PCDHA1: variants seen among roughly 807,000 people sequenced by gnomAD.
PCDHA1 encodes protocadherin alpha-1.
In PCDHA1, 42 loss-of-function variants were observed where a neutral mutation model predicts 61.3. The ratio of observed to expected loss-of-function variants is 0.69; its 90% confidence interval spans 0.54 to 0.89. PCDHA1 has a LOEUF of 0.89. PCDHA1 is among the 40% of genes least tolerant of loss of function. The pLI, the probability that PCDHA1 is intolerant of heterozygous loss-of-function variation, is 0.00. For synonymous variants in PCDHA1, 610 were observed against 553.8 expected (o/e 1.10, Z -1.43); for missense variants, 1,256 against 1,235.3 (o/e 1.02, Z -0.25).
Position 140,822,919 on chromosome 5 carries a change from G to T in PCDHA1, c.2394+34235G>T. Reference sequence around the variant, plus strand: ...GTCTGACCGTGACTCAGGTGCCAACGGGCAGGTGACCTGCTCCCTAATGCC... The same window carrying T: ...GTCTGACCGTGACTCAGGTGCCAACTGGCAGGTGACCTGCTCCCTAATGCC... On this transcript the variant is annotated intron_variant, in intron 1 of 3. Coordinates refer to ENST00000504120, the MANE Select transcript of PCDHA1 (RefSeq NM_018900.4). 1 of 1,614,230 alleles carries T rather than the reference G, an allele frequency of 6.2e-7. No individual in the cohort carries two copies. Among genetic ancestry groups the T allele is most frequent in the Non-Finnish European group, 8.5e-7 (1 of 1,180,044 alleles).
chr5:140,848,527 G>T lies in PCDHA1; in HGVS notation c.2394+59843G>T, dbSNP rs1379026024. The T allele has an allele frequency of 1.3e-6, 2 of 1,594,382 alleles. 1 individual carries two copies. Among genetic ancestry groups the T allele is most frequent in the Non-Finnish European group, 1.7e-6 (2 of 1,164,866 alleles). On this transcript the variant is annotated intron_variant, in intron 1 of 3. Transcript: ENST00000504120. ...TACTCAAGTCGAGGAGATCCAGAGG[G>T]TCAGCCTCTACTGCTCTCGCTTCTG...
intron 1 of PCDHA1, chr5:140,812,108 T>C (rs1356009801): frequency 6.6e-6 from 1 of 151,988 alleles, no homozygotes; most frequent in African/African-American, 2.4e-5. Context: ...CTTTAAAAGT[T>C]TGGTAGAATT....
At chr5:140,939,521 T>C (rs540311861) in intron 1 of PCDHA1, among the ~76,000 whole-genome samples, 3 of 152,326 alleles carry the variant, frequency 2.0e-5, no homozygotes, top group Non-Finnish European at 2.9e-5. Flanking sequence ...TTAATAGTTA[T>C]AGAATTATAC....
At chr5:140,892,011 A>G (rs1001369849) in intron 1 of PCDHA1, among the ~76,000 whole-genome samples, 10 of 152,244 alleles carry the variant, frequency 6.6e-5, no homozygotes, top group African/African-American at 2.4e-4. Flanking sequence ...CTGTTATAGC[A>G]GCACAAATGG....
At chr5:140,854,950 C>A (rs1427267019) in intron 1 of PCDHA1, among the ~76,000 whole-genome samples, 1 of 149,714 alleles carries the variant, frequency 6.7e-6, no homozygotes, top group African/African-American at 2.4e-5. Context: ...TAATAAATTT[C>A]TTAATTACTT....
Position 140,786,943 on chromosome 5 carries a change from G to A in PCDHA1, c.653G>A (p.Gly218Asp), listed in dbSNP as rs1554117610. The change falls in exon 1 of 4, where the codon GGC becomes GAC. Residue 218 changes from glycine to aspartate, a missense_variant. Coordinates refer to ENST00000504120, the MANE Select transcript of PCDHA1 (RefSeq NM_018900.4). ...TTATTACTGACTGCCACTGATGGGG[G>A]CAAACCGGAGCTGCAAGGTACAGTT... ...LHLLLTATDG[G>D]KPELQGTVEL... 4 of 1,614,128 alleles carry A rather than the reference G, an allele frequency of 2.5e-6. No homozygotes were observed. The highest frequency in any genetic ancestry group is 1.7e-5 in the Admixed American group (1 of 60,026).
intron 1 of PCDHA1, among the ~76,000 whole-genome samples, chr5:140,818,603 A>G (rs1766396825): frequency 6.6e-6 from 1 of 152,166 alleles, no homozygotes; most frequent in African/African-American, 2.4e-5. Flanking sequence ...TGTGTGGGCC[A>G]TGACAGGAGG....
chr5:140,802,764 C>T (rs1581654740), intron 1 of PCDHA1: 2 of 1,612,940 alleles, frequency 1.2e-6, no homozygotes, highest in Non-Finnish European at 1.7e-6. Context: ...GCTGCAGCCG[C>T]TGGACCACGA....
In PCDHA1 at chr5:140,927,982, G is replaced by T. The variant is rs114786796; in HGVS notation, c.2395-50967G>T. 280 of 1,614,224 alleles carry T rather than the reference G, an allele frequency of 1.7e-4. No individual in the cohort carries two copies. The African/African-American group carries it at 3.0e-3, about 17-fold the overall frequency. On this transcript the variant is annotated intron_variant, in intron 1 of 3. Transcript: ENST00000504120. ...TGGCACAGTGATTGCTCTCTTTAGT[G>T]TAAAGGATGAAGACCTCGATTCTAA...
At chr5:140,876,164 C>T (rs1554168313) in intron 1 of PCDHA1, 2 of 1,613,950 alleles carry the variant, frequency 1.2e-6, no homozygotes, top group South Asian at 1.1e-5. Flanking sequence ...ATTCAAATAA[C>T]CGTCCTGGAT....
At chr5:140,977,925 A>G (rs782072280) in intron 1 of PCDHA1, among the ~76,000 whole-genome samples, 8 of 152,152 alleles carry the variant, frequency 5.3e-5, no homozygotes, top group Non-Finnish European at 1.0e-4. Flanking sequence ...TTTTCATTCA[A>G]CTATACCTCA....
intron 1 of PCDHA1, chr5:140,835,444 C>T (rs1773641752): frequency 6.2e-7 from 1 of 1,613,922 alleles, no homozygotes; most frequent in Non-Finnish European, 8.5e-7. Context: ...ACTCTCACTT[C>T]CCTGTCTCTC....
intron 1 of PCDHA1, chr5:140,877,000 G>C: frequency 6.2e-7 from 1 of 1,612,598 alleles, no homozygotes; most frequent in Non-Finnish European, 8.5e-7. Flanking sequence ...CTACGTGTCG[G>C]TGCACGCGGA....
At chr5:140,964,840 C>G (rs1270845085) in intron 1 of PCDHA1, among the ~76,000 whole-genome samples, 1 of 152,152 alleles carries the variant, frequency 6.6e-6, no homozygotes, top group Non-Finnish European at 1.5e-5. Flanking sequence ...GCTTCCTACT[C>G]TGTACCCTTG....
intron 1 of PCDHA1, chr5:140,858,360 G>C (rs782369682): frequency 1.9e-6 from 3 of 1,592,532 alleles, no homozygotes; most frequent in Non-Finnish European, 2.6e-6. Flanking sequence ...ATGGCCTTCA[G>C]CCCCAGCCTT....
intron 1 of PCDHA1, chr5:140,875,267 C>A: frequency 1.7e-6 from 2 of 1,211,108 alleles, no homozygotes; most frequent in Non-Finnish European, 2.2e-6. Context: ...TGTCGCTCTA[C>A]ACTCAGAAGG....
chr5:140,794,969 C>T (rs1761897892), intron 1 of PCDHA1: 17 of 1,607,186 alleles, frequency 1.1e-5, no homozygotes, highest in Admixed American at 1.7e-5. Flanking sequence ...TTGGTAATGG[C>T]GTCTTCTATC....
At chr5:140,854,178 A>AATT in intron 1 of PCDHA1, 6 of 531,176 alleles carry the variant, frequency 1.1e-5, no homozygotes, top group Non-Finnish European at 1.2e-5. Context: ...AAAAAAAAAG[A>AATT]GTAGTTTAAC....
intron 1 of PCDHA1, among the ~76,000 whole-genome samples, chr5:140,918,383 C>A (rs1227959801): frequency 4.6e-5 from 7 of 152,124 alleles, no homozygotes. Flanking sequence ...CCTTTTATTT[C>A]TTTCTCTTGC....
Sources: gnomAD v4.1 joint callset for allele counts (sites outside exome capture counted in the v4.1 genomes callset) on GRCh38, gnomAD v4.1.1 for gene constraint, MANE v1.5 for transcripts, NCBI Gene and HGNC (gene_info 2026-07-23, HGNC 2026-07-21) for gene names.